VPS39: variants seen among roughly 807,000 people sequenced by gnomAD.
VPS39 encodes VPS39 subunit of HOPS complex.
Under a neutral mutation model 121.0 loss-of-function variants are expected in VPS39, and 70 were observed. The observed-to-expected ratio is 0.58, with a 90% CI of 0.48 to 0.71. The LOEUF (loss-of-function observed/expected upper bound fraction) is 0.71, where lower values mean the gene tolerates loss of function less well. Ranked by LOEUF, VPS39 falls within the 30% of genes least tolerant of loss-of-function variation. The pLI is 0.00. For synonymous variants in VPS39, 378 were observed against 398.1 expected (o/e 0.95, Z 0.60); for missense variants, 818 against 1,051.5 (o/e 0.78, Z 3.07).
rs573147656 is a variant in VPS39 at position 42,162,799 on chromosome 15, G to A, written c.2176-318C>T. 34 of 246,210 alleles carry A rather than the reference G, an allele frequency of 1.4e-4. No homozygotes were observed. The South Asian group carries it at 1.8e-3, about 13-fold the overall frequency. 15.3% of individuals were successfully genotyped at this position (246,210 alleles called of 1,614,324 possible). On this transcript the variant is annotated intron_variant, in intron 21 of 24. Transcript: ENST00000318006. ...CTTTGGCTTTAAAAGCTGAGACTCC[G>A]TCACATTTTTGCAGGTGGGGATATC...
rs148877693 is a variant in VPS39 at position 42,207,732 on chromosome 15, G to T, written c.73+349C>A. 3.7e-3 allele frequency among the ~76,000 whole-genome samples: 559 copies of T among 152,332 alleles called. 1 individual carries two copies. The highest frequency in any genetic ancestry group is 0.013 in the African/African-American group (528 of 41,570). On this transcript the variant is annotated intron_variant, in intron 1 of 24. Transcript: ENST00000318006. The stretch of plus-strand genomic sequence containing the variant: ...CAACTTCAAGCCCCTGGCAGGCTGA[G>T]AACTTCTTACTGCTTTGACCCTCTA...
At chr15:42,187,894 ACT>A in intron 5 of VPS39, 38 bp from the exon 6 acceptor site, 4 of 1,559,410 alleles carry the variant, frequency 2.6e-6, no homozygotes, top group Non-Finnish European at 3.5e-6. Context: ...AAATACAATG[ACT>A]CTCTCTAACT....
intron 1 of VPS39, among the ~76,000 whole-genome samples, chr15:42,201,478 T>C (rs1187318501): frequency 2.6e-5 from 4 of 152,198 alleles, no homozygotes; most frequent in Admixed American, 6.5e-5. Flanking sequence ...CCCAGCCAAA[T>C]TGTACATTTT....
intron 11 of VPS39, 99 bp from the exon 12 acceptor site, chr15:42,169,965 GA>G: frequency 1.0e-6 from 1 of 995,798 alleles, no homozygotes; most frequent in Non-Finnish European, 1.3e-6. Context: ...GTTCCAGACT[GA>G]TTTAAAAAAA....
chr15:42,163,413 G>GT lies in VPS39; in HGVS notation c.2130-19dup, dbSNP rs756829311. On this transcript the variant is annotated intron_variant, in intron 20 of 24. Coordinates refer to ENST00000318006, the MANE Select transcript of VPS39 (RefSeq NM_015289.5). ...GGCAGTACCTGCAAGGGAGAGAGTG[G>GT]TGAGAGCAGGTGGTGTGAGGGGGGC... 1 of 1,614,102 alleles carries GT rather than the reference G, an allele frequency of 6.2e-7. No individual in the cohort carries two copies. The highest frequency in any genetic ancestry group is 8.5e-7 in the Non-Finnish European group (1 of 1,179,966).
rs1369953717 is a variant in VPS39 at position 42,164,338 on chromosome 15, G to A, written c.2026+20C>T. ...ATGACCTTCGCTGAAGTGGCTTCTGGCCCTAAGCCAGACACTCACCATCAA... is the reference window on the plus strand; with the variant it reads ...ATGACCTTCGCTGAAGTGGCTTCTGACCCTAAGCCAGACACTCACCATCAA... On this transcript the variant is annotated intron_variant, in intron 19 of 24. Coordinates refer to ENST00000318006, the MANE Select transcript of VPS39 (RefSeq NM_015289.5). 1.2e-6 allele frequency: 2 copies of A among 1,613,634 alleles called. No homozygotes were observed.
At chr15:42,167,110 G>A (rs2049259057) in intron 13 of VPS39, among the ~76,000 whole-genome samples, 197 bp from the exon 14 acceptor site, 1 of 152,212 alleles carries the variant, frequency 6.6e-6, no homozygotes, top group East Asian at 1.9e-4. Flanking sequence ...TGTTCTGTGG[G>A]GGAGAACATT....
intron 5 of VPS39, 79 bp from the exon 6 acceptor site, chr15:42,187,935 C>A: frequency 7.3e-7 from 1 of 1,377,044 alleles, no homozygotes; most frequent in Non-Finnish European, 1.0e-6. Flanking sequence ...AGATTGTCTA[C>A]CTTGAAATTG....
At chr15:42,181,687 A>C (rs2140864261) in intron 8 of VPS39, among the ~76,000 whole-genome samples, 1 of 152,212 alleles carries the variant, frequency 6.6e-6, no homozygotes, top group South Asian at 2.1e-4. Context: ...TAGTGTGTCT[A>C]ATTTGCTAAT....
intron 2 of VPS39, among the ~76,000 whole-genome samples, chr15:42,194,601 T>C (rs2049896435): frequency 6.6e-6 from 1 of 152,110 alleles, no homozygotes; most frequent in Non-Finnish European, 1.5e-5. Flanking sequence ...GGCATGCTGG[T>C]GTGTGCCGGT....
Position 42,208,185 on chromosome 15 carries a change from C to T in VPS39, c.-32G>A. The T allele has an allele frequency of 5.8e-6, 9 of 1,556,032 alleles. No homozygotes were observed. Among genetic ancestry groups the T allele is most frequent in the Non-Finnish European group, 7.8e-6 (9 of 1,149,788 alleles). ...AAGGGGAGAGTTGCCACCGCCGTCT[C>T]GCCCAGAGTGTTCCGGGCCGGGCTG... On this transcript the variant is annotated 5_prime_UTR_variant, in exon 1 of 25. Transcript: ENST00000318006.
At chr15:42,178,388 A>G (rs1258011025) in intron 9 of VPS39, 50 bp from the exon 10 acceptor site, 12 of 1,613,928 alleles carry the variant, frequency 7.4e-6, no homozygotes, top group Non-Finnish European at 1.0e-5. Context: ...CTTTGTGATG[A>G]CACAGGTGAC....
intron 1 of VPS39, among the ~76,000 whole-genome samples, chr15:42,207,836 CAG>C (rs1276753552): frequency 2.6e-5 from 4 of 152,250 alleles, no homozygotes; most frequent in African/African-American, 7.2e-5. Context: ...CCACTCTGCA[CAG>C]AGAGCAAAAG....
chr15:42,169,969 T>TAAAA, intron 11 of VPS39, 103 bp from the exon 12 acceptor site: 1 of 952,086 alleles, frequency 1.1e-6, no homozygotes, highest in Non-Finnish European at 1.4e-6. Context: ...CAGACTGATT[T>TAAAA]AAAAAAAAAA....
In VPS39 at chr15:42,160,382, T is replaced by G; in HGVS notation, c.*372A>C. On this transcript the variant is annotated 3_prime_UTR_variant, in exon 25 of 25. Transcript: ENST00000318006. ...ATGCTGAGCGGTCCTTGTGAAGTCA[T>G]GTACTTAATAGAAAAGCCCTTGATG... The G allele has an allele frequency of 3.9e-6, 1 of 255,610 alleles. No homozygotes were observed. Among genetic ancestry groups the G allele is most frequent in the Non-Finnish European group, 7.9e-6 (1 of 127,378 alleles). 15.8% of individuals were successfully genotyped at this position (255,610 alleles called of 1,614,324 possible). A position where few individuals can be genotyped will look rare whatever the true frequency, so the allele number is the denominator to read the frequency against.
chr15:42,192,787 G>GT lies in VPS39; in HGVS notation c.140-1228dup, dbSNP rs111325232. Among the ~76,000 whole-genome samples, 248 of 150,112 alleles carry GT rather than the reference G, an allele frequency of 1.7e-3. 5 individuals carry two copies. In the East Asian group the frequency reaches 0.029, roughly 17 times the overall value. On this transcript the variant is annotated intron_variant, in intron 2 of 24. Coordinates refer to ENST00000318006, the MANE Select transcript of VPS39 (RefSeq NM_015289.5). ...TTATTTTTTTGTTTTGTTTTGTTTT[G>GT]TTTTTTTTTGAGACAGAGTCTCATT...
intron 4 of VPS39, among the ~76,000 whole-genome samples, chr15:42,190,419 A>C (rs1042964337): frequency 1.3e-5 from 2 of 152,216 alleles, no homozygotes; most frequent in African/African-American, 4.8e-5. Flanking sequence ...TCAACAGCGC[A>C]AAGTGTGAGA....
chr15:42,164,418 A>T lies in VPS39; in HGVS notation c.1966T>A (p.Phe656Ile). The part of the protein sequence containing the change: ...LGEYRQKLLM[F>I]LEISSYYDPG... Reference sequence around the variant, plus strand: ...TCATAGTAGCTGGAAATCTCCAAGAACATGAGGAGCTTTTGCCGGTATTCT... The same window carrying T: ...TCATAGTAGCTGGAAATCTCCAAGATCATGAGGAGCTTTTGCCGGTATTCT... Residue 656 changes from phenylalanine (F) to isoleucine (I), a missense_variant, in exon 19 of 25, where the codon TTC (phenylalanine) becomes ATC (isoleucine). Coordinates refer to ENST00000318006, the MANE Select transcript of VPS39 (RefSeq NM_015289.5). The T allele has an allele frequency of 6.2e-7, 1 of 1,614,188 alleles. No individual in the cohort carries two copies. The highest frequency in any genetic ancestry group is 8.5e-7 in the Non-Finnish European group (1 of 1,180,002).
At chr15:42,176,130 G>A (rs997234772) in intron 10 of VPS39, among the ~76,000 whole-genome samples, 2 of 152,068 alleles carry the variant, frequency 1.3e-5, no homozygotes, top group Non-Finnish European at 2.9e-5. Flanking sequence ...AAATAAGTAT[G>A]AGCCTAGAAA....
Sources: gnomAD v4.1 joint callset for allele counts (sites outside exome capture counted in the v4.1 genomes callset) on GRCh38, gnomAD v4.1.1 for gene constraint, MANE v1.5 for transcripts, NCBI Gene and HGNC (gene_info 2026-07-23, HGNC 2026-07-21) for gene names.